Variants in ANKRD55 observed in about 807,000 individuals in gnomAD.
The protein encoded by ANKRD55 is ankyrin repeat domain 55, also known as ankyrin repeat domain-containing protein 55.
Under a neutral mutation model 60.6 loss-of-function variants are expected in ANKRD55, and 41 were observed. The observed-to-expected ratio is 0.68, with a 90% CI of 0.53 to 0.88. The LOEUF (loss-of-function observed/expected upper bound fraction) is 0.88, where lower values mean the gene tolerates loss of function less well. Among genes scored for constraint, ANKRD55 ranks in the 40% least tolerant of loss-of-function variants. The pLI is 0.00. For synonymous variants in ANKRD55, 264 were observed against 290.3 expected (o/e 0.91, Z 0.92); for missense variants, 732 against 767.6 (o/e 0.95, Z 0.55).
intron 10 of ANKRD55, among the ~76,000 whole-genome samples, chr5:56,104,234 T>C (rs893246228): frequency 6.6e-6 from 1 of 152,208 alleles, no homozygotes; most frequent in Non-Finnish European, 1.5e-5. Context: ...TGACAATCAC[T>C]TTTTCTTGTG....
intron 7 of ANKRD55, among the ~76,000 whole-genome samples, chr5:56,132,599 A>G (rs1757453307): frequency 6.6e-6 from 1 of 151,606 alleles, no homozygotes; most frequent in Admixed American, 6.6e-5. Flanking sequence ...TAAAAAAAAA[A>G]AAAAAAAAAG....
chr5:56,171,969 A>G (rs184350716), intron 4 of ANKRD55, among the ~76,000 whole-genome samples: 2 of 152,166 alleles, frequency 1.3e-5, no homozygotes, highest in East Asian at 3.9e-4. Context: ...AATACAAAAA[A>G]TTAGCTGGGA....
intron 8 of ANKRD55, among the ~76,000 whole-genome samples, chr5:56,118,852 G>A (rs918583088): frequency 6.6e-6 from 1 of 152,016 alleles, no homozygotes; most frequent in Non-Finnish European, 1.5e-5. Flanking sequence ...ACACACCTAT[G>A]AAGATGGCTA....
At chr5:56,199,035 G>A (rs1368362055) in intron 2 of ANKRD55, among the ~76,000 whole-genome samples, 9 of 151,984 alleles carry the variant, frequency 5.9e-5, no homozygotes, top group African/African-American at 1.2e-4. Context: ...AGCCGAGATC[G>A]CGCCACTGCA....
chr5:56,138,639 G>C (rs539371886), intron 7 of ANKRD55, among the ~76,000 whole-genome samples: 130 of 152,318 alleles, frequency 8.5e-4, no homozygotes, highest in African/African-American at 2.9e-3. Context: ...GTATATTCAT[G>C]TAATGGAATA....
intron 10 of ANKRD55, among the ~76,000 whole-genome samples, chr5:56,108,853 A>T (rs1240818800): frequency 6.6e-6 from 1 of 152,240 alleles, no homozygotes; most frequent in African/African-American, 2.4e-5. Flanking sequence ...CCTGGCCAAC[A>T]TAGTGAAACC....
chr5:56,160,740 T>C (rs766279803), intron 5 of ANKRD55: 4 of 152,244 alleles, frequency 2.6e-5, no homozygotes, highest in African/African-American at 4.8e-5. Context: ...AAGATGACAG[T>C]AATCAGTGTA....
At chr5:56,107,260 T>C (rs979508744) in intron 10 of ANKRD55, among the ~76,000 whole-genome samples, 4 of 152,168 alleles carry the variant, frequency 2.6e-5, no homozygotes, top group Non-Finnish European at 5.9e-5. Flanking sequence ...ATGACTCAGT[T>C]GCCTAGAATG....
At chr5:56,229,012 C>A (rs959497586) in intron 2 of ANKRD55, among the ~76,000 whole-genome samples, 2 of 152,040 alleles carry the variant, frequency 1.3e-5, no homozygotes, top group African/African-American at 4.8e-5. Context: ...ACGGCCAGGC[C>A]CTCCTCACCC....
At chr5:56,152,748 G>A (rs1229501601) in intron 6 of ANKRD55, among the ~76,000 whole-genome samples, 2 of 151,922 alleles carry the variant, frequency 1.3e-5, no homozygotes, top group South Asian at 2.1e-4. Context: ...TAAGCAGTGT[G>A]GTTAATGAAA....
intron 6 of ANKRD55, among the ~76,000 whole-genome samples, chr5:56,144,141 G>C (rs1230879909): frequency 6.6e-6 from 1 of 152,236 alleles, no homozygotes; most frequent in Non-Finnish European, 1.5e-5. Flanking sequence ...GGATACAAAA[G>C]TTAATAAGGT....
chr5:56,223,516 A>G lies in ANKRD55; in HGVS notation c.58+9340T>C, dbSNP rs1239890633. Among the ~76,000 whole-genome samples the G allele has an allele frequency of 3.9e-5, 6 of 152,364 alleles. No individual in the cohort carries two copies. The East Asian group carries it at 9.6e-4, about 24-fold the overall frequency. ...TCACACATAACAATATTAACCTTAA[A>G]TGTAAATGGGCTAAATGCTCCAATT... On this transcript the variant is annotated intron_variant, in intron 2 of 11. Coordinates refer to ENST00000341048, the MANE Select transcript of ANKRD55 (RefSeq NM_024669.3).
chr5:56,188,348 A>G (rs1487094265), intron 2 of ANKRD55, among the ~76,000 whole-genome samples: 1 of 145,006 alleles, frequency 6.9e-6, no homozygotes, highest in African/African-American at 2.7e-5. Context: ...TGCCCCCGCA[A>G]CCCCGCCACC....
intron 2 of ANKRD55, among the ~76,000 whole-genome samples, chr5:56,193,862 A>G: frequency 6.6e-6 from 1 of 152,214 alleles, no homozygotes; most frequent in East Asian, 1.9e-4. Context: ...TATATATATA[A>G]GAAGAACTTG....
chr5:56,175,165 G>A (rs1183546293), intron 4 of ANKRD55, among the ~76,000 whole-genome samples: 1 of 152,236 alleles, frequency 6.6e-6, no homozygotes, highest in East Asian at 1.9e-4. Flanking sequence ...GGAAATCTCT[G>A]TGAGACTTGG....
At chr5:56,166,141 T>C (rs1168657824) in intron 5 of ANKRD55, among the ~76,000 whole-genome samples, 1 of 101,424 alleles carries the variant, frequency 9.9e-6, no homozygotes, top group African/African-American at 5.8e-5. Flanking sequence ...TTTCTTTCTT[T>C]CTTTCTTTCT....
intron 2 of ANKRD55, among the ~76,000 whole-genome samples, chr5:56,199,099 A>ACAAT (rs960887976): frequency 6.6e-6 from 1 of 151,668 alleles, no homozygotes; most frequent in Non-Finnish European, 1.5e-5. Flanking sequence ...AAACAAACAA[A>ACAAT]CAAACCCAAA....
At chr5:56,182,751 T>C (rs1758878371) in intron 3 of ANKRD55, among the ~76,000 whole-genome samples, 1 of 152,184 alleles carries the variant, frequency 6.6e-6, no homozygotes, top group Admixed American at 6.5e-5. Context: ...AGTAAAGGGG[T>C]GCCACCTCAT....
intron 7 of ANKRD55, among the ~76,000 whole-genome samples, chr5:56,132,464 G>A (rs974097768): frequency 3.4e-5 from 5 of 149,064 alleles, no homozygotes; most frequent in South Asian, 2.1e-4. Context: ...GGTGGCGGGC[G>A]CCTGTAGTCC....
Sources: gnomAD v4.1 joint callset for allele counts (sites outside exome capture counted in the v4.1 genomes callset) on GRCh38, gnomAD v4.1.1 for gene constraint, MANE v1.5 for transcripts, NCBI Gene and HGNC (gene_info 2026-07-23, HGNC 2026-07-21) for gene names.